NAV2: variants seen among roughly 807,000 people sequenced by gnomAD.
The protein encoded by NAV2 is neuron navigator 2.
Under a neutral mutation model 223.2 loss-of-function variants are expected in NAV2, and 54 were observed. The ratio of observed to expected loss-of-function variants is 0.24; its 90% CI spans 0.19 to 0.30. NAV2 has a LOEUF of 0.30. Among genes scored for constraint, NAV2 ranks in the 10% least tolerant of loss-of-function variants. The pLI, the probability that NAV2 is intolerant of heterozygous loss-of-function variation, is 1.00. For synonymous variants in NAV2, 1,279 were observed against 1,239.3 expected (o/e 1.03, Z -0.67); for missense variants, 2,806 against 3,147.5 (o/e 0.89, Z 2.60).
chr11:19,704,479 T>C (rs1015560273), intron 1 of NAV2, among the ~76,000 whole-genome samples: 62 of 152,324 alleles, frequency 4.1e-4, no homozygotes, highest in African/African-American at 1.4e-3. Flanking sequence ...TTCTACTTAA[T>C]TGGCAGTAGG....
In NAV2 at chr11:19,723,274, C is replaced by A. The variant is rs371625255; in HGVS notation, c.267+9312C>A. On this transcript the variant is annotated intron_variant, in intron 1 of 37. Transcript: ENST00000349880. Reference sequence around the variant, plus strand: ...CTCATTTAATCCTCAAACGAACTTTCTGAGCTGATATTATTGAACTTACTT... The same window carrying A: ...CTCATTTAATCCTCAAACGAACTTTATGAGCTGATATTATTGAACTTACTT... Among the ~76,000 whole-genome samples the A allele has an allele frequency of 1.2e-4, 19 of 152,228 alleles. 1 individual carries two copies. Among genetic ancestry groups the A allele is most frequent in the Admixed American group, 7.2e-4 (11 of 15,290 alleles).
At chr11:19,831,227 G>GC (rs1374687649) in intron 1 of NAV2, among the ~76,000 whole-genome samples, 11 of 112,038 alleles carry the variant, frequency 9.8e-5, no homozygotes, top group African/African-American at 2.6e-4. Flanking sequence ...GTGTTGCGGG[G>GC]GGGGGGGGGG....
chr11:19,600,566 A>G (rs2046325614), intron 1 of NAV2, among the ~76,000 whole-genome samples: 1 of 152,208 alleles, frequency 6.6e-6, no homozygotes, highest in Non-Finnish European at 1.5e-5. Context: ...GGCTAAGAAC[A>G]TGGACTCTGG....
intron 1 of NAV2, among the ~76,000 whole-genome samples, chr11:19,723,651 C>T (rs954731515): frequency 6.6e-6 from 1 of 152,176 alleles, no homozygotes; most frequent in African/African-American, 2.4e-5. Context: ...GGATGAGGAG[C>T]CCTATTTGGC....
intron 1 of NAV2, among the ~76,000 whole-genome samples, chr11:19,420,871 C>T (rs1018869753): frequency 2.6e-5 from 4 of 152,172 alleles, no homozygotes; most frequent in African/African-American, 9.7e-5. Context: ...ATGCATTGTC[C>T]TGTCTTCTGT....
At chr11:19,498,501 G>A (rs1187424187) in intron 1 of NAV2, among the ~76,000 whole-genome samples, 2 of 152,164 alleles carry the variant, frequency 1.3e-5, no homozygotes, top group African/African-American at 2.4e-5. Context: ...ATGAAGTGTT[G>A]ACATACAGAA....
At chr11:19,602,239 G>T (rs977381434) in intron 1 of NAV2, among the ~76,000 whole-genome samples, 1 of 149,028 alleles carries the variant, frequency 6.7e-6, no homozygotes, top group Non-Finnish European at 1.5e-5. Context: ...ATGCAGCGGC[G>T]TGACCTCAGC....
chr11:19,582,168 G>A (rs1416267115), intron 1 of NAV2, among the ~76,000 whole-genome samples: 1 of 152,140 alleles, frequency 6.6e-6, no homozygotes, highest in African/African-American at 2.4e-5. Flanking sequence ...GTCTTCTTTT[G>A]AGAAGTGTCT....
chr11:19,686,201 C>T (rs1007451756), intron 1 of NAV2, among the ~76,000 whole-genome samples: 14 of 152,290 alleles, frequency 9.2e-5, no homozygotes, highest in East Asian at 1.9e-4. Flanking sequence ...GCTGCCTCCA[C>T]GACCATGTCA....
chr11:19,968,473 G>T (rs889848873), intron 10 of NAV2, among the ~76,000 whole-genome samples: 3 of 152,124 alleles, frequency 2.0e-5, no homozygotes, highest in African/African-American at 7.2e-5. Context: ...ACCCACCTCG[G>T]CCTCCCAGAA....
chr11:19,874,308 G>A (rs980825371), intron 4 of NAV2, among the ~76,000 whole-genome samples: 5 of 152,188 alleles, frequency 3.3e-5, no homozygotes, highest in African/African-American at 1.2e-4. Context: ...TATGGCCCAT[G>A]CAATTTGCTT....
At chr11:20,087,692 G>A (rs2060544045) in intron 26 of NAV2, among the ~76,000 whole-genome samples, 1 of 152,176 alleles carries the variant, frequency 6.6e-6, no homozygotes, top group Admixed American at 6.5e-5. Flanking sequence ...TTTATGAAGT[G>A]GACAAGCATG....
At chr11:19,913,788 A>G (rs926923146) in intron 6 of NAV2, among the ~76,000 whole-genome samples, 1 of 152,030 alleles carries the variant, frequency 6.6e-6, no homozygotes, top group Admixed American at 6.5e-5. Context: ...ACTTTGATCA[A>G]ACGATAGTTA....
At chr11:19,534,538 A>G (rs1441176266) in intron 1 of NAV2, among the ~76,000 whole-genome samples, 3 of 152,224 alleles carry the variant, frequency 2.0e-5, no homozygotes, top group Admixed American at 6.5e-5. Flanking sequence ...AGAAAGGAAC[A>G]AGTGAACCTG....
Position 19,998,198 on chromosome 11 carries a change from C to T in NAV2, c.2768+13951C>T, listed in dbSNP as rs150340331. On this transcript the variant is annotated intron_variant, in intron 11 of 37. Coordinates refer to ENST00000349880, the MANE Select transcript of NAV2 (RefSeq NM_145117.5). This position sits in a 1 kb window ranked among gnomAD's most constrained non-coding sequence, Gnocchi z 5.0. The stretch of plus-strand genomic sequence containing the variant: ...TTTTCCTCCCCCTTTTCCTTCCAGT[C>T]GGCAAACTCCCCCCAAACAGTTTCA... Among the ~76,000 whole-genome samples, 11 of 152,108 alleles carry T rather than the reference C, an allele frequency of 7.2e-5. No individual in the cohort carries two copies. Among genetic ancestry groups the T allele is most frequent in the South Asian group, 6.3e-4 (3 of 4,800 alleles).
chr11:19,474,417 G>T (rs1239720799), intron 1 of NAV2, among the ~76,000 whole-genome samples: 2 of 152,330 alleles, frequency 1.3e-5, no homozygotes, highest in East Asian at 3.9e-4. Flanking sequence ...TGAAAGATGT[G>T]TACACTATGA....
At chr11:19,695,236 G>A (rs892596165) in intron 1 of NAV2, among the ~76,000 whole-genome samples, 5 of 152,204 alleles carry the variant, frequency 3.3e-5, no homozygotes, top group African/African-American at 1.2e-4. Context: ...TCCAAAACAT[G>A]ACATAGTGGG....
chr11:19,363,587 T>A (rs1451318657), intron 1 of NAV2, among the ~76,000 whole-genome samples: 2 of 152,214 alleles, frequency 1.3e-5, no homozygotes, highest in African/African-American at 2.4e-5. Context: ...TGGGTTGTTC[T>A]TTTCCTACAC....
chr11:19,796,327 G>A (rs2057891311), intron 1 of NAV2, among the ~76,000 whole-genome samples: 1 of 152,114 alleles, frequency 6.6e-6, no homozygotes, highest in Non-Finnish European at 1.5e-5. Context: ...AAGAAAGAGG[G>A]CCCTCTGCCT....
Sources: allele counts gnomAD v4.1 joint callset (sites outside exome capture counted in the v4.1 genomes callset), GRCh38; gene constraint gnomAD v4.1.1; non-coding constraint Gnocchi (gnomAD v3.1); transcripts MANE v1.5; gene names NCBI Gene and HGNC (gene_info 2026-07-23, HGNC 2026-07-21).